The following FRAS1 variants were observed in gnomAD, a reference collection of about 807,000 sequenced individuals.
FRAS1 encodes Fraser extracellular matrix complex subunit 1.
A neutral mutation model predicts 435.2 loss-of-function variants in FRAS1; 290 were observed. The ratio of observed to expected loss-of-function variants is 0.67; its 90% CI spans 0.61 to 0.73. FRAS1 has a LOEUF of 0.73. FRAS1 is among the 30% of genes least tolerant of loss of function. The probability of loss-of-function intolerance (pLI) is 0.00; values close to 1 mark genes in which losing one functional copy is unlikely to be tolerated. For synonymous variants in FRAS1, 1,800 were observed against 1,851.0 expected (o/e 0.97, Z 0.71); for missense variants, 4,860 against 5,001.5 (o/e 0.97, Z 0.85).
At chr4:78,195,947 C>CTT (rs66606732) in intron 2 of FRAS1, among the ~76,000 whole-genome samples, 13 of 145,946 alleles carry the variant, frequency 8.9e-5, no homozygotes, top group African/African-American at 2.8e-4. Context: ...ATTCTTATTA[C>CTT]TTTTTTTTTT....
At position 78,448,163 on chromosome 4, in the gene FRAS1, G is replaced by A. The variant is rs1446256594; in HGVS notation, c.6121G>A (p.Val2041Met). The change falls in exon 44 of 74, where the codon GTG (valine) becomes ATG (methionine). Residue 2041 changes from valine to methionine, a missense_variant. Transcript: ENST00000512123. ...QDILAGLVGYVPSVPGMVVDE... is the reference protein window; with the variant it reads ...QDILAGLVGYMPSVPGMVVDE... ...TATCCTAGCTGGGCTGGTTGGGTATGTGCCTAGTGTCCCTGGCATGGTCGT... is the reference window on the plus strand; with the variant it reads ...TATCCTAGCTGGGCTGGTTGGGTATATGCCTAGTGTCCCTGGCATGGTCGT... 20 of 1,613,632 alleles carry A rather than the reference G, an allele frequency of 1.2e-5. No individual in the cohort carries two copies. Among genetic ancestry groups the A allele is most frequent in the Middle Eastern group, 1.7e-4 (1 of 6,008 alleles).
chr4:78,453,015 A>G (rs1487917668), intron 47 of FRAS1, among the ~76,000 whole-genome samples: 1 of 149,204 alleles, frequency 6.7e-6, no homozygotes, highest in Non-Finnish European at 1.5e-5. Context: ...TATTCTTTCC[A>G]GAGATGGGAG....
At chr4:78,311,827 C>A (rs1729036540) in intron 15 of FRAS1, among the ~76,000 whole-genome samples, 1 of 152,180 alleles carries the variant, frequency 6.6e-6, no homozygotes, top group Non-Finnish European at 1.5e-5. Flanking sequence ...ATATCTTCAA[C>A]TCCTGTTGGT....
At chr4:78,244,262 A>ACATG (rs1402542727) in intron 3 of FRAS1, among the ~76,000 whole-genome samples, 1 of 152,110 alleles carries the variant, frequency 6.6e-6, no homozygotes, top group Non-Finnish European at 1.5e-5. Flanking sequence ...ACATTAACAC[A>ACATG]CACGCACACA....
intron 61 of FRAS1, among the ~76,000 whole-genome samples, chr4:78,501,360 C>A (rs1226199436): frequency 6.6e-6 from 1 of 152,176 alleles, no homozygotes; most frequent in Non-Finnish European, 1.5e-5. Flanking sequence ...TTAATCCAGT[C>A]TATTATTGAC....
chr4:78,474,652 C>T (rs1719806673), intron 53 of FRAS1, among the ~76,000 whole-genome samples: 2 of 152,178 alleles, frequency 1.3e-5, no homozygotes, highest in South Asian at 2.1e-4. Flanking sequence ...GTGGTATAGA[C>T]GGTCCCAAAG....
intron 2 of FRAS1, among the ~76,000 whole-genome samples, chr4:78,144,166 C>CA (rs1007679969): frequency 1.3e-5 from 2 of 149,764 alleles, no homozygotes; most frequent in South Asian, 2.1e-4. Flanking sequence ...AAAATAAAGA[C>CA]AAAAAAACTC....
chr4:78,514,662 G>T (rs1174877290), intron 65 of FRAS1, among the ~76,000 whole-genome samples: 2 of 152,214 alleles, frequency 1.3e-5, no homozygotes, highest in East Asian at 3.8e-4. Context: ...TTCAAGACAT[G>T]TTAATTGAGT....
At chr4:78,090,039 C>T (rs1288704949) in intron 2 of FRAS1, among the ~76,000 whole-genome samples, 2 of 151,106 alleles carry the variant, frequency 1.3e-5, no homozygotes, top group Non-Finnish European at 2.9e-5. Flanking sequence ...GTTATGTTGA[C>T]AATATGTAAC....
chr4:78,067,359 G>A (rs1283866281), intron 2 of FRAS1, among the ~76,000 whole-genome samples: 1 of 152,204 alleles, frequency 6.6e-6, no homozygotes, highest in Non-Finnish European at 1.5e-5. Context: ...CTGCCTATAT[G>A]TGAAAAAAAG....
At chr4:78,163,920 G>T (rs1721239002) in intron 2 of FRAS1, among the ~76,000 whole-genome samples, 1 of 152,206 alleles carries the variant, frequency 6.6e-6, no homozygotes, top group African/African-American at 2.4e-5. Flanking sequence ...ATCTGACAAA[G>T]ATGGTAGCAG....
intron 6 of FRAS1, among the ~76,000 whole-genome samples, chr4:78,259,125 G>T (rs1725948782): frequency 1.3e-5 from 1 of 76,706 alleles, no homozygotes; most frequent in African/African-American, 4.2e-5. Context: ...ATTTGTGTTG[G>T]TTCCAAGTCT....
chr4:78,537,001 T>C lies in FRAS1; in HGVS notation c.11099T>C (p.Ile3700Thr), dbSNP rs548879917. The C allele has an allele frequency of 3.1e-6, 5 of 1,613,678 alleles. No homozygotes were observed. Among genetic ancestry groups the C allele is most frequent in the East Asian group, 4.5e-5 (2 of 44,880 alleles). ...DYKGAFSKGQ[I>T]LYGRVLWNPE... ...TACCTTTCAATCTTTTCAGGTCAAATCCTTTATGGCCGAGTACTTTGGAAT... is the reference window on the plus strand; with the variant it reads ...TACCTTTCAATCTTTTCAGGTCAAACCCTTTATGGCCGAGTACTTTGGAAT... Residue 3700 changes from isoleucine (I) to threonine (T), a missense_variant, in exon 72 of 74, where the codon ATC (isoleucine) becomes ACC (threonine). By Grantham distance (89) the Ile-to-Thr change is moderately conservative. Coordinates refer to ENST00000512123, the MANE Select transcript of FRAS1 (RefSeq NM_025074.7).
intron 29 of FRAS1, among the ~76,000 whole-genome samples, chr4:78,397,024 A>C (rs1219944433): frequency 6.6e-6 from 1 of 152,178 alleles, no homozygotes; most frequent in Non-Finnish European, 1.5e-5. Flanking sequence ...TTTGTCAGGC[A>C]GTTCACAAAT....
At chr4:78,166,826 T>G (rs931172266) in intron 2 of FRAS1, among the ~76,000 whole-genome samples, 2 of 152,142 alleles carry the variant, frequency 1.3e-5, no homozygotes, top group Non-Finnish European at 2.9e-5. Context: ...CTCTCTGGCT[T>G]GTTCCAGTAA....
At chr4:78,296,396 A>G (rs1056123114) in intron 14 of FRAS1, among the ~76,000 whole-genome samples, 1 of 152,132 alleles carries the variant, frequency 6.6e-6, no homozygotes, top group Non-Finnish European at 1.5e-5. Context: ...GGGAAGGGAC[A>G]GAAGATTGGA....
intron 5 of FRAS1, among the ~76,000 whole-genome samples, chr4:78,253,122 G>A (rs1319737718): frequency 1.3e-5 from 2 of 152,118 alleles, no homozygotes; most frequent in African/African-American, 4.8e-5. Flanking sequence ...CCCCAGGAAT[G>A]CATTCCTTCC....
intron 60 of FRAS1, among the ~76,000 whole-genome samples, chr4:78,497,173 C>T (rs751137382): frequency 6.6e-6 from 1 of 152,028 alleles, no homozygotes; most frequent in Non-Finnish European, 1.5e-5. Context: ...TGTTCCCTAC[C>T]ACAGTGCTAG....
intron 1 of FRAS1, among the ~76,000 whole-genome samples, chr4:78,061,058 G>A (rs1739740390): frequency 6.6e-6 from 1 of 152,112 alleles, no homozygotes; most frequent in South Asian, 2.1e-4. Flanking sequence ...TGTTGGCCAG[G>A]CTGGTCTTGA....
Sources: allele counts gnomAD v4.1 joint callset (sites outside exome capture counted in the v4.1 genomes callset), GRCh38; gene constraint gnomAD v4.1.1; transcripts MANE v1.5; gene names NCBI Gene and HGNC (gene_info 2026-07-23, HGNC 2026-07-21).